LINGO2: variants seen among roughly 807,000 people sequenced by gnomAD.
The protein encoded by LINGO2 is leucine rich repeat and Ig domain containing 2, also known as leucine-rich repeat and immunoglobulin-like domain-containing nogo receptor-interacting protein 2.
In LINGO2, 14 loss-of-function variants were observed where a neutral mutation model predicts 30.6. The observed-to-expected ratio is 0.46, with a 90% CI of 0.30 to 0.72. LINGO2 has a LOEUF of 0.72. Ranked by LOEUF, LINGO2 falls within the 30% of genes least tolerant of loss-of-function variation. The probability of loss-of-function intolerance (pLI) is 0.07; values close to 1 mark genes in which losing one functional copy is unlikely to be tolerated. For synonymous variants in LINGO2, 317 were observed against 288.5 expected (o/e 1.10, Z -1.00); for missense variants, 729 against 751.7 (o/e 0.97, Z 0.35).
Position 27,959,155 on chromosome 9 carries a change from T to C in LINGO2, c.-35-8449A>G, listed in dbSNP as rs963923189. On this transcript the variant is annotated intron_variant, in intron 5 of 5. Coordinates refer to ENST00000379992, the Ensembl canonical transcript of LINGO2. ...TTTTATTCCTGATATCAGTGAGTTG[T>C]GCCTTTCTTTTCTCTTGAGAAATCT... Among the ~76,000 whole-genome samples, 7 of 152,300 alleles carry C rather than the reference T, an allele frequency of 4.6e-5. No individual in the cohort carries two copies. The East Asian group carries it at 1.4e-3, about 29-fold the overall frequency.
At chr9:28,890,385 C>T in the LINGO2 span, among the ~76,000 whole-genome samples, 1 of 152,042 alleles carries the variant, frequency 6.6e-6, no homozygotes. Flanking sequence ...AATGGGTACA[C>T]ACTTGTGTAC....
chr9:28,438,113 A>G (rs1824024957), intron 2 of LINGO2, among the ~76,000 whole-genome samples: 1 of 152,082 alleles, frequency 6.6e-6, no homozygotes, highest in South Asian at 2.1e-4. Context: ...CTTTCTGATT[A>G]TATTGATTTC....
chr9:28,075,405 T>C (rs1011168879), intron 4 of LINGO2, among the ~76,000 whole-genome samples: 1 of 152,004 alleles, frequency 6.6e-6, no homozygotes, highest in African/African-American at 2.4e-5. Context: ...TAATTAATGC[T>C]GTACACTTAT....
intron 2 of LINGO2, among the ~76,000 whole-genome samples, chr9:28,462,197 G>T (rs1825107757): frequency 6.6e-6 from 1 of 152,018 alleles, no homozygotes; most frequent in African/African-American, 2.4e-5. Context: ...AGGGTTAGAT[G>T]AAGAGAGAAC....
At chr9:28,106,043 T>C (rs1001924850) in intron 4 of LINGO2, among the ~76,000 whole-genome samples, 3 of 152,098 alleles carry the variant, frequency 2.0e-5, no homozygotes, top group African/African-American at 4.8e-5. Context: ...CAGATTCTCA[T>C]AGGAGCCCCA....
chr9:28,369,702 T>C (rs548801928), intron 3 of LINGO2, among the ~76,000 whole-genome samples: 2 of 152,308 alleles, frequency 1.3e-5, no homozygotes, highest in African/African-American at 4.8e-5. Context: ...GTAGCAAAAG[T>C]GGCAAGAACT....
chr9:28,651,669 T>C (rs1828108373), intron 1 of LINGO2, among the ~76,000 whole-genome samples: 2 of 150,772 alleles, frequency 1.3e-5, no homozygotes, highest in African/African-American at 4.8e-5. Flanking sequence ...GTAAAACTTG[T>C]TATTTAAAAA....
chr9:28,795,677 T>C, the LINGO2 span, among the ~76,000 whole-genome samples: 1 of 152,104 alleles, frequency 6.6e-6, no homozygotes, highest in African/African-American at 2.4e-5. Flanking sequence ...TGCATCCATA[T>C]TGTGGAACAT....
the LINGO2 span, among the ~76,000 whole-genome samples, chr9:28,943,248 C>G: frequency 6.6e-6 from 1 of 152,174 alleles, no homozygotes; most frequent in Non-Finnish European, 1.5e-5. Flanking sequence ...ACTGAGGACT[C>G]CATTATGGAG....
chr9:29,051,748 C>G, the LINGO2 span, among the ~76,000 whole-genome samples: 142 of 152,186 alleles, frequency 9.3e-4, no homozygotes, highest in African/African-American at 3.2e-3. Flanking sequence ...GAGTTTACTG[C>G]AAAATATTTT....
the LINGO2 span, among the ~76,000 whole-genome samples, chr9:28,807,973 C>G: frequency 6.6e-6 from 1 of 152,138 alleles, no homozygotes; most frequent in South Asian, 2.1e-4. Flanking sequence ...AATGGTCTTA[C>G]TGACCTTATT....
chr9:28,273,434 C>T (rs1823011411), intron 4 of LINGO2, among the ~76,000 whole-genome samples: 1 of 152,160 alleles, frequency 6.6e-6, no homozygotes, highest in African/African-American at 2.4e-5. Flanking sequence ...TGGAAGCTTT[C>T]ACTCAGGGAA....
At chr9:28,855,847 G>A in the LINGO2 span, among the ~76,000 whole-genome samples, 1 of 152,066 alleles carries the variant, frequency 6.6e-6, no homozygotes, top group Non-Finnish European at 1.5e-5. Context: ...AGACTTTAGG[G>A]ACAAATCTGT....
the LINGO2 span, among the ~76,000 whole-genome samples, chr9:28,890,129 T>C: frequency 6.6e-6 from 1 of 152,098 alleles, no homozygotes; most frequent in Non-Finnish European, 1.5e-5. Flanking sequence ...AAATACTTTA[T>C]TGAAGAGGTT....
chr9:28,365,194 G>T (rs564368172), intron 3 of LINGO2, among the ~76,000 whole-genome samples: 1 of 152,200 alleles, frequency 6.6e-6, no homozygotes, highest in East Asian at 1.9e-4. Flanking sequence ...GAGAGTGGGA[G>T]AGGGATGATG....
At chr9:28,057,582 T>TATGTATATACATATATATACACATAC in intron 4 of LINGO2, among the ~76,000 whole-genome samples, 1 of 22,054 alleles carries the variant, frequency 4.5e-5, no homozygotes, top group Non-Finnish European at 1.3e-4. Context: ...TATACACATA[T>TATGTATATACATATATATACACATAC]ATGTATATAC....
intron 5 of LINGO2, among the ~76,000 whole-genome samples, chr9:28,003,350 G>GATAT (rs956304186): frequency 1.7e-5 from 2 of 115,050 alleles, no homozygotes; most frequent in Non-Finnish European, 3.4e-5. Context: ...TATATAGATA[G>GATAT]ATAGATAGAT....
At chr9:28,840,813 G>A in the LINGO2 span, among the ~76,000 whole-genome samples, 2 of 151,824 alleles carry the variant, frequency 1.3e-5, 1 homozygote, top group African/African-American at 4.9e-5. Flanking sequence ...TGTGGTGTGA[G>A]GTCTCCAGAA....
chr9:28,254,365 A>G (rs2134020913), intron 4 of LINGO2, among the ~76,000 whole-genome samples: 1 of 152,268 alleles, frequency 6.6e-6, no homozygotes, highest in South Asian at 2.1e-4. Context: ...TAAAATGTGC[A>G]CAAAGGTTGC....
Sources: allele counts gnomAD v4.1 joint callset (sites outside exome capture counted in the v4.1 genomes callset), GRCh38; gene constraint gnomAD v4.1.1; transcripts MANE v1.5; gene names NCBI Gene and HGNC (gene_info 2026-07-23, HGNC 2026-07-21).